Variants in LIN28B observed in about 807,000 individuals in gnomAD.
LIN28B encodes the protein lin-28 RNA binding posttranscriptional regulator B, also known as protein lin-28 homolog B.
In LIN28B, 5 loss-of-function variants were observed where a neutral mutation model predicts 21.9. The observed-to-expected ratio is 0.23, with a 90% CI of 0.12 to 0.48. The LOEUF (loss-of-function observed/expected upper bound fraction) is 0.48, where lower values mean the gene tolerates loss of function less well. Among genes scored for constraint, LIN28B ranks in the 20% least tolerant of loss-of-function variants. The pLI is 0.98. For synonymous variants in LIN28B, 109 were observed against 111.3 expected (o/e 0.98, Z 0.13); for missense variants, 245 against 310.5 (o/e 0.79, Z 1.58).
intron 3 of LIN28B, among the ~76,000 whole-genome samples, chr6:105,034,689 T>C (rs958087626): frequency 1.3e-5 from 2 of 152,072 alleles, no homozygotes; most frequent in Non-Finnish European, 2.9e-5. Context: ...CAGAAACCAA[T>C]TATGTCTGAT....
intron 2 of LIN28B, among the ~76,000 whole-genome samples, chr6:104,971,153 A>G (rs1769970024): frequency 1.3e-5 from 2 of 152,186 alleles, no homozygotes; most frequent in Non-Finnish European, 2.9e-5. Context: ...CTTCTCTGCC[A>G]TTGATTTTTA....
intron 2 of LIN28B, among the ~76,000 whole-genome samples, chr6:104,944,336 A>G (rs375517857): frequency 6.6e-6 from 1 of 152,118 alleles, no homozygotes; most frequent in Non-Finnish European, 1.5e-5. Context: ...CGTTTAAGCA[A>G]CTAGTTATTT....
intron 2 of LIN28B, among the ~76,000 whole-genome samples, chr6:105,004,260 C>T (rs1296817957): frequency 3.3e-5 from 5 of 152,098 alleles, no homozygotes; most frequent in African/African-American, 9.7e-5. Flanking sequence ...TTGGCAACAC[C>T]CTCACAGACA....
chr6:104,956,128 T>C (rs1020720302), upstream of LIN28B, among the ~76,000 whole-genome samples: 3 of 152,108 alleles, frequency 2.0e-5, no homozygotes, highest in Non-Finnish European at 4.4e-5. Context: ...TCCTTCTTTC[T>C]CCACCCCACC....
chr6:104,977,251 T>G (rs986649104), intron 2 of LIN28B, among the ~76,000 whole-genome samples: 64 of 152,276 alleles, frequency 4.2e-4, no homozygotes, highest in African/African-American at 1.5e-3. Flanking sequence ...CACCCTTCAC[T>G]TCTTTGCCAC....
chr6:104,972,424 T>C (rs1770000221), intron 2 of LIN28B, among the ~76,000 whole-genome samples: 3 of 152,250 alleles, frequency 2.0e-5, no homozygotes, highest in Admixed American at 2.0e-4. Context: ...GGGGAAAAGT[T>C]GAGGGTTTTC....
At chr6:105,047,765 A>T (rs1415369544) in intron 3 of LIN28B, among the ~76,000 whole-genome samples, 1 of 151,992 alleles carries the variant, frequency 6.6e-6, no homozygotes, top group East Asian at 1.9e-4. Flanking sequence ...TAGGTATTTT[A>T]TTCTCTTTGA....
chr6:104,954,585 T>A, upstream of LIN28B, among the ~76,000 whole-genome samples: 1 of 152,134 alleles, frequency 6.6e-6, no homozygotes, highest in East Asian at 1.9e-4. Context: ...CTTAAATTCT[T>A]CATGAACGAA....
chr6:105,052,773 C>T (rs1315181258), intron 3 of LIN28B, among the ~76,000 whole-genome samples: 5 of 151,986 alleles, frequency 3.3e-5, no homozygotes, highest in Non-Finnish European at 7.4e-5. Context: ...TTGATTTCTT[C>T]TCTCTTGTTT....
chr6:104,981,170 A>G (rs772267913), intron 2 of LIN28B, among the ~76,000 whole-genome samples: 3 of 152,182 alleles, frequency 2.0e-5, no homozygotes, highest in Non-Finnish European at 4.4e-5. Flanking sequence ...CTGCTATTTT[A>G]AAATCATTCT....
chr6:104,985,437 G>A (rs557820812), intron 2 of LIN28B, among the ~76,000 whole-genome samples: 1 of 152,090 alleles, frequency 6.6e-6, no homozygotes, highest in Non-Finnish European at 1.5e-5. Flanking sequence ...AGTGTGTTTT[G>A]CCTATACTTC....
chr6:105,043,843 T>G (rs1222356839), intron 3 of LIN28B, among the ~76,000 whole-genome samples: 1 of 152,156 alleles, frequency 6.6e-6, no homozygotes, highest in Admixed American at 6.5e-5. Flanking sequence ...TCAAGCGATC[T>G]GCCTCCTCAG....
chr6:105,072,955 T>G (rs1021289278), intron 3 of LIN28B, among the ~76,000 whole-genome samples: 2 of 152,156 alleles, frequency 1.3e-5, no homozygotes, highest in Admixed American at 6.5e-5. Context: ...GTAGAATCAG[T>G]CAGAACAAAA....
At chr6:104,971,496 A>G (rs1769984336) in intron 2 of LIN28B, among the ~76,000 whole-genome samples, 1 of 152,074 alleles carries the variant, frequency 6.6e-6, no homozygotes, top group Admixed American at 6.5e-5. Context: ...TCATCTTTTC[A>G]TTTTTAGTAG....
At chr6:104,942,976 TACTA>T (rs1249274331) in intron 2 of LIN28B, among the ~76,000 whole-genome samples, 1 of 152,166 alleles carries the variant, frequency 6.6e-6, no homozygotes, top group Non-Finnish European at 1.5e-5. Flanking sequence ...TATGGTGTCT[TACTA>T]TGTATGTTCT....
rs139186846 is a variant in LIN28B at position 105,024,271 on chromosome 6, T to C, written c.199-2027T>C. On this transcript the variant is annotated intron_variant, in intron 2 of 3. Transcript: ENST00000345080. The stretch of plus-strand genomic sequence containing the variant: ...CCTCCCAAAGTGCTGGGATTACAGG[T>C]GTGAGCTACCGCGCTTAGCCCAGTG... Among the ~76,000 whole-genome samples, 470 of 152,188 alleles carry C rather than the reference T, an allele frequency of 3.1e-3. 6 individuals carry two copies. The highest frequency in any genetic ancestry group is 0.011 in the African/African-American group (449 of 41,516).
At position 105,078,822 on chromosome 6, in the gene LIN28B, A is replaced by G. The variant is rs1162604389; in HGVS notation, c.*39A>G. On this transcript the variant is annotated 3_prime_UTR_variant, in exon 4 of 4. Transcript: ENST00000345080. ...TATGTTCTTTCCTTTACCCGGTTGC[A>G]AAGTCTACCTCATGCAAGTATAGGG... is the stretch of plus-strand genomic sequence containing the variant. 1.9e-6 allele frequency: 3 copies of G among 1,582,498 alleles called. No homozygotes were observed. Among genetic ancestry groups the G allele is most frequent in the Non-Finnish European group, 1.7e-6 (2 of 1,162,318 alleles).
intron 2 of LIN28B, among the ~76,000 whole-genome samples, chr6:105,001,088 C>G (rs1013537747): frequency 9.2e-5 from 14 of 152,178 alleles, no homozygotes; most frequent in South Asian, 2.1e-4. Context: ...TTACTTCACT[C>G]ATTGCTACCA....
intron 3 of LIN28B, among the ~76,000 whole-genome samples, chr6:105,042,693 C>CTT (rs1771661321): frequency 6.6e-6 from 1 of 151,772 alleles, no homozygotes; most frequent in Non-Finnish European, 1.5e-5. Flanking sequence ...TTCCAGAGAG[C>CTT]TTTCTTTTCT....
Sources: gnomAD v4.1 joint callset for allele counts (sites outside exome capture counted in the v4.1 genomes callset) on GRCh38, gnomAD v4.1.1 for gene constraint, MANE v1.5 for transcripts, NCBI Gene and HGNC (gene_info 2026-07-23, HGNC 2026-07-21) for gene names.